LAMA2: variants seen among roughly 807,000 people sequenced by gnomAD.
The protein encoded by LAMA2 is laminin subunit alpha-2.
Under a neutral mutation model 364.8 loss-of-function variants are expected in LAMA2, and 269 were observed. The observed-to-expected ratio is 0.74, with a 90% CI of 0.67 to 0.82. LAMA2 has a LOEUF of 0.82. Ranked by LOEUF, LAMA2 falls within the 40% of genes least tolerant of loss-of-function variation. LAMA2 has a pLI of 0.00. For synonymous variants in LAMA2, 1,379 were observed against 1,370.6 expected, an observed-to-expected ratio of 1.01 and a Z score of -0.14; for missense variants, 3,807 against 3,873.2, an observed-to-expected ratio of 0.98 and a Z score of 0.45.
intron 32 of LAMA2, among the ~76,000 whole-genome samples, chr6:129,361,991 C>T (rs1777490458): frequency 1.3e-5 from 2 of 151,752 alleles, no homozygotes; most frequent in Non-Finnish European, 2.9e-5. Flanking sequence ...ACCATGTTGG[C>T]CAGGCTGGTC....
chr6:129,234,916 G>A (rs988123273), intron 12 of LAMA2, among the ~76,000 whole-genome samples: 4 of 151,984 alleles, frequency 2.6e-5, no homozygotes, highest in African/African-American at 9.7e-5. Flanking sequence ...TGTAAATTGA[G>A]GTCTATGTTT....
At chr6:129,114,296 G>T (rs1237543835) in intron 4 of LAMA2, among the ~76,000 whole-genome samples, 3 of 152,036 alleles carry the variant, frequency 2.0e-5, no homozygotes, top group East Asian at 1.9e-4. Flanking sequence ...TCTGGAAAGA[G>T]AATTTGGGGT....
rs1195653662 is a variant in LAMA2 at position 129,442,162 on chromosome 6, C to T, written c.6269-901C>T. 8 of 1,268,928 alleles carry T rather than the reference C, an allele frequency of 6.3e-6. No homozygotes were observed. In the African/African-American group the frequency reaches 1.2e-4, roughly 19 times the overall value. The allele number at this position is 1,268,928 out of a possible 1,614,324, so 78.6% of individuals were successfully genotyped here. Reference sequence around the variant, plus strand: ...AAAGCACTGTAATTGGTATTATATGCCATAAAATTCAAATGCTGTTTGAGT... The same window carrying T: ...AAAGCACTGTAATTGGTATTATATGTCATAAAATTCAAATGCTGTTTGAGT... On this transcript the variant is annotated intron_variant, in intron 43 of 64. Transcript: ENST00000421865.
At chr6:129,183,646 T>C (rs550272351) in intron 10 of LAMA2, among the ~76,000 whole-genome samples, 2 of 152,138 alleles carry the variant, frequency 1.3e-5, no homozygotes, top group South Asian at 4.1e-4. Flanking sequence ...ACCTCATTTC[T>C]AGCCCTATTC....
intron 1 of LAMA2, among the ~76,000 whole-genome samples, chr6:128,898,726 C>T (rs187880262): frequency 6.6e-6 from 1 of 152,182 alleles, no homozygotes; most frequent in Non-Finnish European, 1.5e-5. Flanking sequence ...TGCTTAAAAC[C>T]TTTCAATGCA....
At chr6:129,269,378 T>A (rs998543684) in intron 16 of LAMA2, among the ~76,000 whole-genome samples, 1 of 151,534 alleles carries the variant, frequency 6.6e-6, no homozygotes, top group Admixed American at 6.6e-5. Context: ...TTTTTTTTTT[T>A]ATTTCCATTA....
At chr6:129,267,363 G>A in intron 16 of LAMA2, 144 bp downstream of exon 16, 2 of 720,912 alleles carry the variant, frequency 2.8e-6, no homozygotes, top group Admixed American at 2.0e-5. Context: ...AACTGAATTG[G>A]AACTGAGAAT....
intron 4 of LAMA2, among the ~76,000 whole-genome samples, chr6:129,109,130 C>T (rs72988989): frequency 0.26 from 39,872 of 151,816 alleles, 5,984 homozygotes; most frequent in African/African-American, 0.42. Flanking sequence ...CGGGGCCACA[C>T]CGTATTAAAT....
chr6:128,927,944 A>C (rs1281603538), intron 1 of LAMA2, among the ~76,000 whole-genome samples: 1 of 152,210 alleles, frequency 6.6e-6, no homozygotes, highest in African/African-American at 2.4e-5. Flanking sequence ...GTCTTTCAGA[A>C]TTTGTTCTTA....
chr6:129,136,976 G>A (rs1777833279), intron 4 of LAMA2, among the ~76,000 whole-genome samples: 1 of 152,004 alleles, frequency 6.6e-6, no homozygotes, highest in South Asian at 2.1e-4. Flanking sequence ...CGTGACCTGT[G>A]GTCACAGTGT....
chr6:129,331,484 C>T (rs1339976622), intron 29 of LAMA2, among the ~76,000 whole-genome samples: 2 of 152,042 alleles, frequency 1.3e-5, no homozygotes, highest in African/African-American at 2.4e-5. Context: ...CTACTGCATG[C>T]ACCCACTTTT....
intron 1 of LAMA2, among the ~76,000 whole-genome samples, chr6:128,907,732 T>A (rs1290508141): frequency 6.6e-6 from 1 of 152,182 alleles, no homozygotes; most frequent in East Asian, 1.9e-4. Context: ...AGGGAATGCT[T>A]CCAGTTTTTG....
At chr6:129,514,941 C>G (rs1019425582) in intron 64 of LAMA2, among the ~76,000 whole-genome samples, 4 of 59,508 alleles carry the variant, frequency 6.7e-5, no homozygotes, top group Non-Finnish European at 2.2e-4. Flanking sequence ...AATTAATATA[C>G]CAGAGGAATC....
intron 8 of LAMA2, among the ~76,000 whole-genome samples, chr6:129,161,958 A>C (rs1222584326): frequency 1.3e-5 from 2 of 152,240 alleles, no homozygotes; most frequent in Non-Finnish European, 2.9e-5. Flanking sequence ...GCTGCAATGA[A>C]CATAGGCATG....
chr6:129,158,292 AT>A, intron 8 of LAMA2: 1 of 1,614,028 alleles, frequency 6.2e-7, no homozygotes, highest in Non-Finnish European at 8.5e-7. Context: ...AGTTTGGTAG[AT>A]TTCTGTTTCT....
chr6:129,499,883 A>T (rs1467962474), intron 58 of LAMA2, among the ~76,000 whole-genome samples: 1 of 151,672 alleles, frequency 6.6e-6, no homozygotes, highest in Non-Finnish European at 1.5e-5. Flanking sequence ...ATGCCCAGCT[A>T]ATTTTTTATT....
intron 1 of LAMA2, among the ~76,000 whole-genome samples, chr6:129,038,069 CAGTT>C (rs1327499674): frequency 5.3e-5 from 8 of 152,110 alleles, no homozygotes; most frequent in African/African-American, 1.4e-4. Context: ...AAATTTTACA[CAGTT>C]AAAGATAGTG....
intron 35 of LAMA2, among the ~76,000 whole-genome samples, chr6:129,389,277 T>G (rs1283704284): frequency 4.6e-5 from 7 of 152,226 alleles, no homozygotes; most frequent in Non-Finnish European, 1.0e-4. Context: ...CATGGCTGTC[T>G]TAGCCCATTT....
At chr6:129,026,676 A>C (rs141791852) in intron 1 of LAMA2, among the ~76,000 whole-genome samples, 3 of 152,298 alleles carry the variant, frequency 2.0e-5, no homozygotes, top group African/African-American at 7.2e-5. Flanking sequence ...AAAGTGAAAT[A>C]CAAGGGTTTG....
Sources: gnomAD v4.1 joint callset for allele counts (sites outside exome capture counted in the v4.1 genomes callset) on GRCh38, gnomAD v4.1.1 for gene constraint, MANE v1.5 for transcripts, NCBI Gene and HGNC (gene_info 2026-07-23, HGNC 2026-07-21) for gene names.